Variants in HS2ST1 observed in about 807,000 individuals in gnomAD.
HS2ST1 encodes the protein heparan sulfate 2-O-sulfotransferase 1, also known as 2-O-sulfotransferase.
A neutral mutation model predicts 42.9 loss-of-function variants in HS2ST1; 18 were observed. The ratio of observed to expected loss-of-function variants is 0.42; its 90% CI spans 0.29 to 0.62. The LOEUF is 0.62. Among genes scored for constraint, HS2ST1 ranks in the 20% least tolerant of loss-of-function variants. The pLI, the probability that HS2ST1 is intolerant of heterozygous loss-of-function variation, is 0.21. For missense variants in HS2ST1, 334 were observed against 433.8 expected, an observed-to-expected ratio of 0.77 and a Z score of 2.04; for synonymous variants, 146 against 152.9, an observed-to-expected ratio of 0.95 and a Z score of 0.33.
chr1:87,031,402 T>C (rs530714476), intron 1 of HS2ST1, among the ~76,000 whole-genome samples: 2 of 152,140 alleles, frequency 1.3e-5, no homozygotes, highest in African/African-American at 4.8e-5. Context: ...TTGGGAGTCA[T>C]CGTTGAGAAC....
intron 1 of HS2ST1, among the ~76,000 whole-genome samples, chr1:86,971,601 C>A (rs1570455876): frequency 6.6e-6 from 1 of 152,122 alleles, no homozygotes; most frequent in Non-Finnish European, 1.5e-5. Context: ...CACGTCCAAT[C>A]TTAGAGTAGG....
intron 1 of HS2ST1, among the ~76,000 whole-genome samples, chr1:86,951,442 A>G (rs1647511951): frequency 6.6e-6 from 1 of 152,232 alleles, no homozygotes. Flanking sequence ...GTGCATGTAA[A>G]AGTTATGTTT....
chr1:86,914,789 T>A lies in HS2ST1; in HGVS notation c.-248T>A, dbSNP rs1193823677. On this transcript the variant is annotated 5_prime_UTR_variant, in exon 1 of 7. Transcript: ENST00000370550. ...CCGGCAGCCGCTTCGCGCTGTTTGCTGCGCGGGCTTTTGGAGGGGGCGGCC... is the reference window on the plus strand; with the variant it reads ...CCGGCAGCCGCTTCGCGCTGTTTGCAGCGCGGGCTTTTGGAGGGGGCGGCC... The A allele has an allele frequency of 1.9e-6, 1 of 533,634 alleles. No homozygotes were observed. The highest frequency in any genetic ancestry group is 3.3e-6 in the Non-Finnish European group (1 of 302,732). 33.1% of individuals were successfully genotyped at this position (533,634 alleles called of 1,614,324 possible).
chr1:86,989,397 A>G (rs537676995), intron 1 of HS2ST1, among the ~76,000 whole-genome samples: 2 of 152,358 alleles, frequency 1.3e-5, no homozygotes, highest in African/African-American at 2.4e-5. Context: ...AGGACAGTAT[A>G]GTAATTTAGC....
At chr1:86,937,631 G>T (rs1295353967) in intron 1 of HS2ST1, among the ~76,000 whole-genome samples, 1 of 151,940 alleles carries the variant, frequency 6.6e-6, no homozygotes, top group African/African-American at 2.4e-5. Flanking sequence ...CATCTTATTT[G>T]GGAGAAAAGG....
At chr1:87,026,161 A>G (rs1650081909) in intron 1 of HS2ST1, among the ~76,000 whole-genome samples, 1 of 152,230 alleles carries the variant, frequency 6.6e-6, no homozygotes, top group African/African-American at 2.4e-5. Flanking sequence ...CCTCTGTTAC[A>G]ACTAGATATG....
intron 1 of HS2ST1, among the ~76,000 whole-genome samples, chr1:86,941,477 A>T (rs977663998): frequency 1.0e-4 from 15 of 144,646 alleles, no homozygotes; most frequent in African/African-American, 3.5e-4. Context: ...TACATTTATA[A>T]AAAAAAAATT....
intron 1 of HS2ST1, among the ~76,000 whole-genome samples, chr1:86,987,678 A>G (rs1052361866): frequency 3.9e-5 from 6 of 152,162 alleles, no homozygotes; most frequent in Non-Finnish European, 5.9e-5. Flanking sequence ...TGACTCTGCC[A>G]TTACCTTTCT....
intron 1 of HS2ST1, among the ~76,000 whole-genome samples, chr1:87,037,792 T>C (rs1052644913): frequency 6.6e-6 from 1 of 151,970 alleles, no homozygotes; most frequent in Non-Finnish European, 1.5e-5. Context: ...ATTTTTTCAC[T>C]CAATAATTCT....
At chr1:87,039,881 T>C (rs1427272747) in intron 1 of HS2ST1, among the ~76,000 whole-genome samples, 3 of 152,154 alleles carry the variant, frequency 2.0e-5, no homozygotes, top group Non-Finnish European at 4.4e-5. Context: ...TTTCTTACAG[T>C]TTTTGATGGT....
chr1:87,003,735 T>A (rs910202902), intron 1 of HS2ST1, among the ~76,000 whole-genome samples: 2 of 152,162 alleles, frequency 1.3e-5, no homozygotes, highest in Non-Finnish European at 2.9e-5. Context: ...CATTATTCCC[T>A]GAACAATACA....
In HS2ST1 at chr1:87,104,960, A is replaced by G. The variant is rs1652298549; in HGVS notation, c.*264A>G. On this transcript the variant is annotated 3_prime_UTR_variant, in exon 7 of 7. Transcript: ENST00000370550. ...TGGGAGAAAATATACATCACCTAAA[A>G]TGAACTTATGGCAGGTCTAATCAAA... 1 of 363,040 alleles carries G rather than the reference A, an allele frequency of 2.8e-6. No individual in the cohort carries two copies. Among genetic ancestry groups the G allele is most frequent in the African/African-American group, 2.1e-5 (1 of 48,262 alleles). 22.5% of individuals were successfully genotyped at this position (363,040 alleles called of 1,614,324 possible). A position where few individuals can be genotyped will look rare whatever the true frequency, so the allele number is the denominator to read the frequency against.
chr1:86,949,497 A>G (rs1051037218), intron 1 of HS2ST1, among the ~76,000 whole-genome samples: 2 of 152,144 alleles, frequency 1.3e-5, no homozygotes, highest in African/African-American at 4.8e-5. Context: ...TTGAGCCCAA[A>G]AGGCAGAGGT....
chr1:87,022,117 G>T (rs1649968762), intron 1 of HS2ST1, among the ~76,000 whole-genome samples: 1 of 152,106 alleles, frequency 6.6e-6, no homozygotes, highest in African/African-American at 2.4e-5. Flanking sequence ...TGTTGACAGA[G>T]ATTATTTTAA....
chr1:86,988,520 T>C (rs1355030476), intron 1 of HS2ST1, among the ~76,000 whole-genome samples: 4 of 152,232 alleles, frequency 2.6e-5, no homozygotes, highest in African/African-American at 7.2e-5. Context: ...TAACTCTCAT[T>C]TTGACTCCAC....
intron 1 of HS2ST1, among the ~76,000 whole-genome samples, chr1:86,922,727 T>C (rs1249151567): frequency 6.6e-6 from 1 of 152,170 alleles, no homozygotes. Context: ...ATGTAGCGTG[T>C]CTTTTATTTT....
intron 1 of HS2ST1, among the ~76,000 whole-genome samples, chr1:87,041,351 C>A (rs924786493): frequency 1.7e-4 from 25 of 151,406 alleles, no homozygotes; most frequent in African/African-American, 5.8e-4. Context: ...CATGCCACTG[C>A]ACTCCAGTGT....
At chr1:87,050,451 ACATTAGAAATAAAATGGCCTC>A (rs1337219357) in intron 1 of HS2ST1, among the ~76,000 whole-genome samples, 1 of 151,992 alleles carries the variant, frequency 6.6e-6, no homozygotes, top group East Asian at 1.9e-4. Flanking sequence ...AACTGGGACT[ACATTAGAAATAAAATGGCCTC>A]CAAATATGAG....
At chr1:87,073,780 G>A (rs1651475405) in intron 2 of HS2ST1, among the ~76,000 whole-genome samples, 1 of 152,118 alleles carries the variant, frequency 6.6e-6, no homozygotes. Flanking sequence ...TTTAATAGTA[G>A]TAGCATACAT....
Sources: allele counts gnomAD v4.1 joint callset (sites outside exome capture counted in the v4.1 genomes callset), GRCh38; gene constraint gnomAD v4.1.1; transcripts MANE v1.5; gene names NCBI Gene and HGNC (gene_info 2026-07-23, HGNC 2026-07-21).